Variants in ENTPD1 observed in about 807,000 individuals in gnomAD.
ENTPD1 encodes ATP diphosphohydrolase.
Under a neutral mutation model 57.0 loss-of-function variants are expected in ENTPD1, and 33 were observed. That is an observed-to-expected ratio of 0.58 (90% CI 0.44 to 0.77). The LOEUF (loss-of-function observed/expected upper bound fraction) is 0.77. Among genes scored for constraint, ENTPD1 ranks in the 30% least tolerant of loss-of-function variants. ENTPD1 has a pLI of 0.00. For synonymous variants in ENTPD1, 202 were observed against 218.8 expected, an observed-to-expected ratio of 0.92 and a Z score of 0.68; for missense variants, 501 against 603.4, an observed-to-expected ratio of 0.83 and a Z score of 1.78.
At chr10:95,799,912 T>C (rs1321565018) in intron 1 of ENTPD1, among the ~76,000 whole-genome samples, 2 of 152,236 alleles carry the variant, frequency 1.3e-5, no homozygotes, top group African/African-American at 4.8e-5. Context: ...ATATGATTGT[T>C]GGCCACATGT....
At chr10:95,813,478 C>A (rs1161370389) in intron 1 of ENTPD1, among the ~76,000 whole-genome samples, 1 of 152,166 alleles carries the variant, frequency 6.6e-6, no homozygotes, top group African/African-American at 2.4e-5. Flanking sequence ...TTAGTGGTCT[C>A]TTATCAGGCA....
rs1484212198 is a variant in ENTPD1 at position 95,868,142 on chromosome 10, A to C, written c.*1759A>C. On this transcript the variant is annotated 3_prime_UTR_variant, in exon 10 of 10. Transcript: ENST00000371205. ...GAAGAAGGTAGGTATTACAATTCCCACTTCATAGAAACAGAAACTGAGGTT... is the reference window on the plus strand; with the variant it reads ...GAAGAAGGTAGGTATTACAATTCCCCCTTCATAGAAACAGAAACTGAGGTT... 1.0e-6 allele frequency: 1 copy of C among 985,076 alleles called. No homozygotes were observed. The highest frequency in any genetic ancestry group is 1.2e-6 in the Non-Finnish European group (1 of 829,572). 61.0% of individuals were successfully genotyped at this position (985,076 alleles called of 1,614,324 possible). A position where few individuals can be genotyped will look rare whatever the true frequency, so the allele number is the denominator to read the frequency against.
intron 1 of ENTPD1, among the ~76,000 whole-genome samples, chr10:95,787,720 T>A (rs942104693): frequency 6.6e-6 from 1 of 152,216 alleles, no homozygotes; most frequent in African/African-American, 2.4e-5. Flanking sequence ...TTAAAGATAT[T>A]CTTCCATCTT....
At chr10:95,783,699 A>G (rs2098166612) in intron 1 of ENTPD1, among the ~76,000 whole-genome samples, 1 of 149,916 alleles carries the variant, frequency 6.7e-6, no homozygotes, top group African/African-American at 2.5e-5. Context: ...GCTCTATTTC[A>G]CAGGTAGGCA....
intron 4 of ENTPD1, 111 bp downstream of exon 4, chr10:95,842,605 C>T: frequency 2.5e-6 from 3 of 1,222,064 alleles, no homozygotes; most frequent in Non-Finnish European, 3.4e-6. Context: ...GTTCTACACA[C>T]CCAAGTCCAT....
chr10:95,768,371 G>GTT (rs1223680826), intron 1 of ENTPD1, among the ~76,000 whole-genome samples: 1 of 149,260 alleles, frequency 6.7e-6, no homozygotes, highest in Non-Finnish European at 1.5e-5. Flanking sequence ...TTGTTTGTTT[G>GTT]TTTTTTTCTT....
At chr10:95,786,212 A>G (rs1454182516) in intron 1 of ENTPD1, among the ~76,000 whole-genome samples, 1 of 152,140 alleles carries the variant, frequency 6.6e-6, no homozygotes, top group African/African-American at 2.4e-5. Context: ...TAATGACTCA[A>G]AACTTCTGTT....
chr10:95,698,938 G>A, the ENTPD1 span, among the ~76,000 whole-genome samples: 1 of 151,838 alleles, frequency 6.6e-6, no homozygotes. Context: ...AGTTACCAAG[G>A]TGGACACACA....
intron 7 of ENTPD1, among the ~76,000 whole-genome samples, chr10:95,851,497 G>T (rs1164558558): frequency 6.6e-6 from 1 of 151,590 alleles, no homozygotes; most frequent in East Asian, 1.9e-4. Context: ...TGTTAGATAT[G>T]TATACATACG....
At chr10:95,735,437 G>A (rs1032704092) in intron 1 of ENTPD1, among the ~76,000 whole-genome samples, 13 of 152,290 alleles carry the variant, frequency 8.5e-5, no homozygotes, top group African/African-American at 2.4e-4. Context: ...ACAAGTATGC[G>A]TAGTATTTCA....
intron 1 of ENTPD1, among the ~76,000 whole-genome samples, chr10:95,810,720 CTG>C (rs747307467): frequency 4.6e-5 from 7 of 152,208 alleles, no homozygotes; most frequent in Non-Finnish European, 8.8e-5. Flanking sequence ...AACTTTTAAA[CTG>C]TGGGTGATTT....
intron 1 of ENTPD1, among the ~76,000 whole-genome samples, chr10:95,781,527 C>G (rs2098158118): frequency 6.6e-6 from 1 of 151,994 alleles, no homozygotes; most frequent in Admixed American, 6.6e-5. Flanking sequence ...GCATTGCATG[C>G]CTGTAACAAA....
At chr10:95,714,324 T>A (rs2097969096) in intron 1 of ENTPD1, among the ~76,000 whole-genome samples, 1 of 151,954 alleles carries the variant, frequency 6.6e-6, no homozygotes, top group African/African-American at 2.4e-5. Context: ...GAAAAAGGAA[T>A]AAAAATAAAA....
intron 2 of ENTPD1, among the ~76,000 whole-genome samples, chr10:95,837,157 A>G (rs189469549): frequency 1.3e-5 from 2 of 152,362 alleles, no homozygotes; most frequent in Admixed American, 1.3e-4. Context: ...GACAGAAGCA[A>G]GCCTGGTTCT....
At chr10:95,828,216 A>G (rs2098384414) in intron 2 of ENTPD1, among the ~76,000 whole-genome samples, 1 of 152,122 alleles carries the variant, frequency 6.6e-6, no homozygotes, top group African/African-American at 2.4e-5. Context: ...TTAGATTCTT[A>G]TAGGACCGCG....
At chr10:95,804,937 C>T (rs991612965) in intron 1 of ENTPD1, among the ~76,000 whole-genome samples, 5 of 152,056 alleles carry the variant, frequency 3.3e-5, no homozygotes, top group African/African-American at 9.7e-5. Flanking sequence ...TTGAGATAAT[C>T]GTGTGGTTTT....
intron 1 of ENTPD1, among the ~76,000 whole-genome samples, chr10:95,719,509 T>C (rs1197854676): frequency 6.6e-6 from 1 of 152,222 alleles, no homozygotes; most frequent in East Asian, 1.9e-4. Context: ...GGGATGAGGA[T>C]AAGCCAGTAT....
intron 2 of ENTPD1, among the ~76,000 whole-genome samples, chr10:95,826,191 G>C (rs371821429): frequency 2.6e-5 from 4 of 151,974 alleles, no homozygotes; most frequent in African/African-American, 9.7e-5. Context: ...AAAGTTTTGG[G>C]GCCAGGCAAG....
intron 8 of ENTPD1, 120 bp downstream of exon 8, chr10:95,860,702 G>C: frequency 2.5e-6 from 2 of 794,200 alleles, no homozygotes; most frequent in Non-Finnish European, 4.3e-6. Flanking sequence ...AAATGTGTTA[G>C]AGAAGACCAG....
Sources: allele counts gnomAD v4.1 joint callset (sites outside exome capture counted in the v4.1 genomes callset), GRCh38; gene constraint gnomAD v4.1.1; transcripts MANE v1.5; gene names NCBI Gene and HGNC (gene_info 2026-07-23, HGNC 2026-07-21).